Variants in MAGI1 observed in about 807,000 individuals in gnomAD.
MAGI1 encodes the protein membrane-associated guanylate kinase, WW and PDZ domain-containing protein 1.
A neutral mutation model predicts 139.9 loss-of-function variants in MAGI1; 58 were observed. The ratio of observed to expected loss-of-function variants is 0.41; its 90% CI spans 0.34 to 0.52. The LOEUF is 0.52. MAGI1 is among the 20% of genes least tolerant of loss of function. MAGI1 has a pLI of 0.12. For missense variants in MAGI1, 1,874 were observed against 1,901.6 expected, an observed-to-expected ratio of 0.99 and a Z score of 0.27; for synonymous variants, 812 against 737.9, an observed-to-expected ratio of 1.10 and a Z score of -1.63.
chr3:65,429,524 T>G lies in MAGI1; in HGVS notation c.2163A>C (p.Arg721=), dbSNP rs1559546709. 6.2e-7 allele frequency: 1 copy of G among 1,607,788 alleles called. No individual in the cohort carries two copies. Among genetic ancestry groups the G allele is most frequent in the East Asian group, 2.2e-5 (1 of 44,748 alleles). ...KGSEVTLLVQ[R]GGLPVPKKSP... is the part of the protein sequence containing the mutation. ...GAACAAAACAACCCTACTTACCTCC[T>G]CGTTGCACCAACAATGTGACCTCAC... The change falls in exon 12 of 23, where the codon CGA becomes CGC. Residue 721 remains arginine, a synonymous_variant. Coordinates refer to ENST00000402939, the MANE Select transcript of MAGI1 (RefSeq NM_001033057.2).
intron 1 of MAGI1, among the ~76,000 whole-genome samples, chr3:65,740,658 A>C (rs6770666): frequency 0.061 from 9,222 of 152,278 alleles, 932 homozygotes; most frequent in African/African-American, 0.2. Context: ...TGCATCGGTT[A>C]AGAAATAATC....
At chr3:65,993,321 C>G (rs2066277421) in intron 1 of MAGI1, among the ~76,000 whole-genome samples, 2 of 152,180 alleles carry the variant, frequency 1.3e-5, no homozygotes, top group Admixed American at 1.3e-4. Context: ...GACACCTCTG[C>G]CTCACTTATT....
intron 2 of MAGI1, among the ~76,000 whole-genome samples, chr3:65,591,188 C>A (rs1435581814): frequency 6.6e-6 from 1 of 152,180 alleles, no homozygotes; most frequent in East Asian, 1.9e-4. Context: ...TCCTGACTGT[C>A]AAGCTCACTA....
At chr3:65,776,723 C>G (rs1051367459) in intron 1 of MAGI1, among the ~76,000 whole-genome samples, 1 of 152,134 alleles carries the variant, frequency 6.6e-6, no homozygotes, top group African/African-American at 2.4e-5. Flanking sequence ...AGAATAACCA[C>G]GAATTTAATG....
At chr3:65,970,430 C>T (rs2064966756) in intron 1 of MAGI1, among the ~76,000 whole-genome samples, 1 of 149,472 alleles carries the variant, frequency 6.7e-6, no homozygotes, top group Non-Finnish European at 1.5e-5. Flanking sequence ...GACGACTGCA[C>T]AACAATATAA....
intron 2 of MAGI1, among the ~76,000 whole-genome samples, chr3:65,559,589 ACT>A (rs2080242741): frequency 6.6e-6 from 1 of 152,200 alleles, no homozygotes; most frequent in African/African-American, 2.4e-5. Context: ...CAGGGGCTAC[ACT>A]ATGTGATTTC....
intron 2 of MAGI1, among the ~76,000 whole-genome samples, chr3:65,494,452 G>A (rs931747191): frequency 6.6e-5 from 10 of 152,138 alleles, no homozygotes; most frequent in Non-Finnish European, 1.3e-4. Flanking sequence ...TGAGCAGAAT[G>A]TGGTTTACAC....
intron 2 of MAGI1, among the ~76,000 whole-genome samples, chr3:65,540,676 G>A (rs749314295): frequency 1.1e-4 from 17 of 152,332 alleles, no homozygotes; most frequent in Admixed American, 2.6e-4. Flanking sequence ...TTTGCCAGGT[G>A]CTAAGAAAGA....
chr3:66,028,975 T>C (rs2068451231), intron 1 of MAGI1, among the ~76,000 whole-genome samples: 1 of 152,226 alleles, frequency 6.6e-6, no homozygotes, highest in African/African-American at 2.4e-5. Flanking sequence ...CCAACATTTA[T>C]TGAGCACTCA....
At chr3:65,971,330 G>A (rs2065005667) in intron 1 of MAGI1, among the ~76,000 whole-genome samples, 1 of 152,160 alleles carries the variant, frequency 6.6e-6, no homozygotes, top group African/African-American at 2.4e-5. Flanking sequence ...AAGAGTCTAT[G>A]GATTATGGTC....
At chr3:66,018,462 ATTTT>A (rs954245257) in intron 1 of MAGI1, among the ~76,000 whole-genome samples, 2 of 148,716 alleles carry the variant, frequency 1.3e-5, no homozygotes, top group Non-Finnish European at 3.0e-5. Context: ...AGAGCCAGGC[ATTTT>A]TTTTTTAATA....
At chr3:65,582,698 A>G (rs1446922036) in intron 2 of MAGI1, among the ~76,000 whole-genome samples, 1 of 152,120 alleles carries the variant, frequency 6.6e-6, no homozygotes. Context: ...ACTTTACACC[A>G]AGGCCACTAC....
At chr3:65,993,586 G>T (rs994477519) in intron 1 of MAGI1, among the ~76,000 whole-genome samples, 2 of 152,164 alleles carry the variant, frequency 1.3e-5, no homozygotes, top group Non-Finnish European at 2.9e-5. Flanking sequence ...CACCATTGTA[G>T]CCTTTACACC....
intron 1 of MAGI1, among the ~76,000 whole-genome samples, chr3:65,957,471 T>G (rs2064183553): frequency 7.0e-6 from 1 of 142,710 alleles, no homozygotes; most frequent in Non-Finnish European, 1.5e-5. Flanking sequence ...CAATAAGCCA[T>G]GATTGCACCA....
chr3:65,670,553 T>C (rs2086791185), intron 1 of MAGI1, among the ~76,000 whole-genome samples: 1 of 152,100 alleles, frequency 6.6e-6, no homozygotes, highest in African/African-American at 2.4e-5. Context: ...GCCATAGACA[T>C]TATGGACTAC....
intron 5 of MAGI1, among the ~76,000 whole-genome samples, chr3:65,459,457 T>C (rs1391164425): frequency 1.3e-5 from 2 of 152,246 alleles, no homozygotes; most frequent in African/African-American, 4.8e-5. Flanking sequence ...GCTATTTATA[T>C]GCTTATCTTT....
At chr3:65,428,924 C>T (rs955916354) in intron 12 of MAGI1, among the ~76,000 whole-genome samples, 5 of 151,918 alleles carry the variant, frequency 3.3e-5, no homozygotes, top group Non-Finnish European at 7.4e-5. Context: ...CCAGGCAGAA[C>T]GGACAGTAAA....
At chr3:65,806,440 T>A (rs1181792710) in intron 1 of MAGI1, among the ~76,000 whole-genome samples, 1 of 151,110 alleles carries the variant, frequency 6.6e-6, no homozygotes, top group African/African-American at 2.5e-5. Flanking sequence ...AAAAAAAAAA[T>A]GTAGCCAACT....
At chr3:66,006,805 G>GGTTTTGTTTTGTTTT (rs10529713) in intron 1 of MAGI1, among the ~76,000 whole-genome samples, 1,699 of 147,878 alleles carry the variant, frequency 0.011, 12 homozygotes, top group Non-Finnish European at 0.016. Context: ...TGAAGAACAT[G>GGTTTTGTTTTGTTTT]GTTTTGTTTT....
Sources: gnomAD v4.1 joint callset for allele counts (sites outside exome capture counted in the v4.1 genomes callset) on GRCh38, gnomAD v4.1.1 for gene constraint, MANE v1.5 for transcripts, NCBI Gene and HGNC (gene_info 2026-07-23, HGNC 2026-07-21) for gene names.